Variants in FAM72B observed in about 807,000 individuals in gnomAD.
The protein encoded by FAM72B is protein FAM72B.
FAM72B carries 4 observed loss-of-function variants against 12.6 expected under a neutral mutation model. The ratio of observed to expected loss-of-function variants is 0.32; its 90% CI spans 0.16 to 0.73. The LOEUF (loss-of-function observed/expected upper bound fraction) is 0.73. FAM72B is among the 30% of genes least tolerant of loss of function. The pLI, the probability that FAM72B is intolerant of heterozygous loss-of-function variation, is 0.67. For synonymous variants in FAM72B, 13 were observed against 53.9 expected (o/e 0.24, Z 3.32); for missense variants, 61 against 158.4 (o/e 0.39, Z 3.30).
rs1194039579 is a variant in FAM72B, at chr1:121,177,303, A to G, written c.260T>C (p.Val87Ala). 2.5e-6 allele frequency: 4 copies of G among 1,611,606 alleles called. No individual in the cohort carries two copies. The highest frequency in any genetic ancestry group is 3.4e-6 in the Non-Finnish European group (4 of 1,179,824). The change falls in exon 3 of 4, where the codon GTT becomes GCT. Residue 87 changes from valine to alanine, a missense_variant. Transcript: ENST00000369390. ...CGNIVGYHVI[V>A]PCSSCLPSCN... is the part of the protein sequence containing the mutation. ...GGAAGGAAGACAGGAACTACATGGA[A>G]CAATCACATGATAACCTACAATGTT...
At position 121,183,286 on chromosome 1, in the gene FAM72B, A is replaced by C. The variant is rs1553317947; in HGVS notation, c.152+52T>G. On this transcript the variant is annotated intron_variant, in intron 1 of 3. Transcript: ENST00000369390. ...TTGACTCCCACAGATCCAAGCCATA[A>C]GTGTTCCCATTTAGTTAAAAGCTAC... 6 of 636,116 alleles carry C rather than the reference A, an allele frequency of 9.4e-6. No homozygotes were observed. The South Asian group carries it at 1.2e-4, about 13-fold the overall frequency. 39.4% of individuals were successfully genotyped at this position (636,116 alleles called of 1,614,324 possible).
intron 3 of FAM72B, among the ~76,000 whole-genome samples, chr1:121,170,379 T>G (rs1305851846): frequency 1.1e-5 from 1 of 88,590 alleles, no homozygotes; most frequent in African/African-American, 4.7e-5. Flanking sequence ...CATGGCGGAA[T>G]GGAATGAGCC....
intron 3 of FAM72B, among the ~76,000 whole-genome samples, chr1:121,174,441 C>G (rs1180711330): frequency 7.1e-6 from 1 of 141,326 alleles, no homozygotes; most frequent in African/African-American, 2.7e-5. Context: ...GATCTTGGCT[C>G]ACCGCAACCT....
At chr1:121,174,985 A>T (rs1442149192) in intron 3 of FAM72B, among the ~76,000 whole-genome samples, 1 of 151,936 alleles carries the variant, frequency 6.6e-6, no homozygotes, top group Non-Finnish European at 1.5e-5. Flanking sequence ...TTCTATTGGA[A>T]GGAGATGCCA....
At chr1:121,169,556 G>T (rs1275728443) in intron 3 of FAM72B, among the ~76,000 whole-genome samples, 21 of 151,982 alleles carry the variant, frequency 1.4e-4, no homozygotes, top group African/African-American at 5.1e-4. Context: ...TCTTTGGAGG[G>T]TTCAGGGAGA....
chr1:121,174,807 C>T (rs1266027195), intron 3 of FAM72B, among the ~76,000 whole-genome samples: 2 of 144,540 alleles, frequency 1.4e-5, no homozygotes, highest in Non-Finnish European at 3.0e-5. Flanking sequence ...TACCACCATG[C>T]CCAGCTAATT....
At chr1:121,173,031 G>T (rs1335460662) in intron 3 of FAM72B, among the ~76,000 whole-genome samples, 1 of 134,670 alleles carries the variant, frequency 7.4e-6, no homozygotes, top group Non-Finnish European at 1.6e-5. Flanking sequence ...GAGCCAAGAT[G>T]ACACCATTGC....
chr1:121,168,975 T>C (rs1654033161), intron 3 of FAM72B, 140 bp from the exon 4 acceptor site: 1 of 582,116 alleles, frequency 1.7e-6, no homozygotes, highest in African/African-American at 2.0e-5. Context: ...AAGAATGTAC[T>C]GCAAATAAAA....
Position 121,176,230 on chromosome 1 carries a change from C to CA in FAM72B, c.355+977dup, listed in dbSNP as rs1184921610. Among the ~76,000 whole-genome samples, 11 of 149,624 alleles carry CA rather than the reference C, an allele frequency of 7.4e-5. No homozygotes were observed. In the East Asian group the frequency reaches 2.2e-3, roughly 29 times the overall value. ...TGTTGCCCAGGCTGAAATGCACTGG[C>CA]ATGATCACAGCTCACTTCAGCCTCT... is the stretch of plus-strand genomic sequence containing the variant. On this transcript the variant is annotated intron_variant, in intron 3 of 3. Coordinates refer to ENST00000369390, the MANE Select transcript of FAM72B (RefSeq NM_001100910.2).
chr1:121,183,987 CTCCTCT>C lies in FAM72B; in HGVS notation c.-504_-499del, dbSNP rs1290588624. On this transcript the variant is annotated 5_prime_UTR_variant, in exon 1 of 4. Transcript: ENST00000369390. ...TCGGGCTAAGCATCCCTACCCACGC[CTCCTCT>C]TCCCAGGATTCAGAAACTCCCTTCT... is the stretch of plus-strand genomic sequence containing the variant. 10 of 166,286 alleles carry C rather than the reference CTCCTCT, an allele frequency of 6.0e-5. No individual in the cohort carries two copies. Among genetic ancestry groups the C allele is most frequent in the Non-Finnish European group, 1.2e-4 (9 of 76,738 alleles). The allele number at this position is 166,286 out of a possible 1,614,324, so 10.3% of individuals were successfully genotyped here.
intron 3 of FAM72B, among the ~76,000 whole-genome samples, chr1:121,174,773 C>T (rs1455509885): frequency 7.0e-6 from 1 of 142,010 alleles, no homozygotes; most frequent in East Asian, 2.1e-4. Context: ...TCTTCTGCCT[C>T]AGTCCCCCAA....
At chr1:121,179,412 C>T (rs1218325651) in intron 2 of FAM72B, among the ~76,000 whole-genome samples, 5 of 147,740 alleles carry the variant, frequency 3.4e-5, no homozygotes, top group Admixed American at 6.7e-5. Context: ...TGCCCAGGTG[C>T]GGTGGCTCAC....
intron 3 of FAM72B, among the ~76,000 whole-genome samples, chr1:121,174,845 A>T (rs1299272280): frequency 6.9e-6 from 1 of 145,438 alleles, no homozygotes; most frequent in African/African-American, 2.6e-5. Context: ...GCAGAGTTCT[A>T]CTATATTGGT....
intron 3 of FAM72B, among the ~76,000 whole-genome samples, chr1:121,170,621 C>A: frequency 1.8e-5 from 1 of 56,612 alleles, no homozygotes. Flanking sequence ...ATTTTTACTT[C>A]TGGAGAGTAT....
At chr1:121,177,548 C>CTATTATTATTATTATTAT (rs200543221) in intron 2 of FAM72B, among the ~76,000 whole-genome samples, 2 of 103,818 alleles carry the variant, frequency 1.9e-5, no homozygotes, top group Non-Finnish European at 3.9e-5. Flanking sequence ...CATTTCTTTG[C>CTATTATTATTATTATTAT]TATTATTATT....
At chr1:121,180,702 T>TA (rs746726611) in intron 2 of FAM72B, among the ~76,000 whole-genome samples, 5 of 147,232 alleles carry the variant, frequency 3.4e-5, no homozygotes, top group Admixed American at 2.7e-4. Flanking sequence ...GCTACAAAAA[T>TA]AAAAAACTTA....
In FAM72B at chr1:121,183,586, G is replaced by A. The variant is rs1195658181; in HGVS notation, c.-97C>T. On this transcript the variant is annotated 5_prime_UTR_variant, in exon 1 of 4. Coordinates refer to ENST00000369390, the MANE Select transcript of FAM72B (RefSeq NM_001100910.2). ...CCCCTAGGCTAAAATTCAAGTTGCG[G>A]GACCTAGAGCTTTTCTAAGTCCTAA... The A allele has an allele frequency of 2.7e-4, 442 of 1,610,128 alleles. No individual in the cohort carries two copies. Among genetic ancestry groups the A allele is most frequent in the Non-Finnish European group, 3.6e-4 (421 of 1,178,908 alleles).
intron 3 of FAM72B, among the ~76,000 whole-genome samples, chr1:121,173,028 G>C (rs1379286719): frequency 7.4e-6 from 1 of 134,864 alleles, no homozygotes; most frequent in Non-Finnish European, 1.6e-5. Flanking sequence ...CATGAGCCAA[G>C]ATGACACCAT....
At chr1:121,168,886 C>G in intron 3 of FAM72B, 51 bp from the exon 4 acceptor site, 1 of 1,528,168 alleles carries the variant, frequency 6.5e-7, no homozygotes, top group South Asian at 1.2e-5. Flanking sequence ...TGTTATAACT[C>G]AGAACACAAA....
Sources: gnomAD v4.1 joint callset for allele counts (sites outside exome capture counted in the v4.1 genomes callset) on GRCh38, gnomAD v4.1.1 for gene constraint, MANE v1.5 for transcripts, NCBI Gene and HGNC (gene_info 2026-07-23, HGNC 2026-07-21) for gene names.